Variants in NEK4 observed in about 807,000 individuals in gnomAD.
NEK4 encodes NIMA related kinase 4, also known as serine/threonine-protein kinase Nek4.
In NEK4, 86 loss-of-function variants were observed where a neutral mutation model predicts 98.4. That is an observed-to-expected ratio of 0.87 (90% CI 0.73 to 1.05). The LOEUF is 1.05. Among genes scored for constraint, NEK4 ranks in the 50% least tolerant of loss-of-function variants. The probability of loss-of-function intolerance (pLI) is 0.00; values close to 1 mark genes in which losing one functional copy is unlikely to be tolerated. For synonymous variants in NEK4, 328 were observed against 342.2 expected (o/e 0.96, Z 0.46); for missense variants, 898 against 950.3 (o/e 0.94, Z 0.72).
In NEK4 at chr3:52,746,083, C is replaced by T. The variant is rs1251302446; in HGVS notation, c.1805G>A (p.Ser602Asn). ...AACCTTTGATGATGACATCTCACTG[C>T]TCCTTGAACTGCTCACAGACCCAGT... is the stretch of plus-strand genomic sequence containing the variant. ...VVTGSVSSSR[S>N]SEMSSSKDRP... The change falls in exon 10 of 16, where the codon AGC becomes AAC. Residue 602 changes from serine (S) to asparagine (N), a missense_variant. Coordinates refer to ENST00000233027, the MANE Select transcript of NEK4 (RefSeq NM_003157.6). 1 of 1,613,874 alleles carries T rather than the reference C, an allele frequency of 6.2e-7. No homozygotes were observed. The highest frequency in any genetic ancestry group is 2.2e-5 in the East Asian group (1 of 44,886).
At chr3:52,725,202 G>C (rs75440947) in intron 15 of NEK4, among the ~76,000 whole-genome samples, 2,930 of 152,234 alleles carry the variant, frequency 0.019, 101 homozygotes, top group African/African-American at 0.067. Flanking sequence ...CCAATTTTTA[G>C]ATCCTGTTTT....
At chr3:52,733,255 A>C in intron 15 of NEK4, 1 of 280,574 alleles carries the variant, frequency 3.6e-6, no homozygotes, top group South Asian at 5.0e-5. Flanking sequence ...ATCACTGGAG[A>C]ATTCATACTG....
chr3:52,767,699 C>T (rs1194867464), intron 2 of NEK4, among the ~76,000 whole-genome samples: 2 of 141,596 alleles, frequency 1.4e-5, no homozygotes, highest in Non-Finnish European at 3.1e-5. Context: ...GCCTAGATAA[C>T]AAAAACAAAA....
intron 14 of NEK4, among the ~76,000 whole-genome samples, chr3:52,738,704 G>A (rs868693782): frequency 3.3e-5 from 5 of 152,036 alleles, no homozygotes; most frequent in Admixed American, 3.3e-4. Context: ...GCCCTCCTCA[G>A]CCTCCCAAAG....
rs187113387 is a variant in NEK4 at position 52,734,507 on chromosome 3, T to C, written c.2433+3079A>G. Among the ~76,000 whole-genome samples, 74 of 146,706 alleles carry C rather than the reference T, an allele frequency of 5.0e-4. No homozygotes were observed. The East Asian group carries it at 0.013, about 25-fold the overall frequency. On this transcript the variant is annotated intron_variant, in intron 15 of 15. Coordinates refer to ENST00000233027, the MANE Select transcript of NEK4 (RefSeq NM_003157.6). ...GGCCAACATGGTGAAACCCTGTCCC[T>C]ACTAAAAATACAAAAATTAGCCATG...
At chr3:52,747,785 A>T (rs1409834988) in intron 8 of NEK4, among the ~76,000 whole-genome samples, 16 of 97,794 alleles carry the variant, frequency 1.6e-4, no homozygotes, top group African/African-American at 6.3e-5. Context: ...ATCTCCATTT[A>T]AAAAAAAAAA....
intron 15 of NEK4, among the ~76,000 whole-genome samples, chr3:52,712,897 G>C (rs1373391305): frequency 6.6e-6 from 1 of 152,130 alleles, no homozygotes; most frequent in Non-Finnish European, 1.5e-5. Flanking sequence ...TCCTGCGAGG[G>C]TCTCCGGGGT....
chr3:52,741,635 A>G, intron 12 of NEK4, 136 bp from the exon 13 acceptor site: 1 of 530,062 alleles, frequency 1.9e-6, no homozygotes. Context: ...AACAAATACA[A>G]AAATTGTTCC....
At chr3:52,711,922 T>C in intron 15 of NEK4, 53 bp from the exon 16 acceptor site, 1 of 1,014,146 alleles carries the variant, frequency 9.9e-7, no homozygotes, top group African/African-American at 1.6e-5. Context: ...AAAAAATATT[T>C]CTGTAATCTT....
chr3:52,764,777 T>TGC, intron 4 of NEK4, among the ~76,000 whole-genome samples: 1 of 50,428 alleles, frequency 2.0e-5, no homozygotes, highest in South Asian at 8.5e-4. Flanking sequence ...CACACACACA[T>TGC]GCACACACAC....
intron 15 of NEK4, among the ~76,000 whole-genome samples, chr3:52,726,087 G>A (rs1356488112): frequency 6.6e-6 from 1 of 152,040 alleles, no homozygotes; most frequent in Non-Finnish European, 1.5e-5. Flanking sequence ...CAGACAAAAT[G>A]TCTTTAAATT....
rs144760703 is a variant in NEK4, at chr3:52,712,858, C to T, written c.2434-989G>A. On this transcript the variant is annotated intron_variant, in intron 15 of 15. Transcript: ENST00000233027. The stretch of plus-strand genomic sequence containing the variant: ...TTGTGTCTTCTTCTGCTAATGTGTT[C>T]CTCTCAACATCCAACCTCTTATCTG... Among the ~76,000 whole-genome samples the T allele has an allele frequency of 1.2e-3, 180 of 152,300 alleles. 1 individual carries two copies. The highest frequency in any genetic ancestry group is 6.8e-3 in the Middle Eastern group (2 of 294).
At chr3:52,742,332 A>C (rs977657045) in intron 12 of NEK4, among the ~76,000 whole-genome samples, 8 of 152,082 alleles carry the variant, frequency 5.3e-5, no homozygotes, top group African/African-American at 1.9e-4. Context: ...TGGCCTCCCA[A>C]GTAGCTGAGA....
chr3:52,739,430 T>A lies in NEK4; in HGVS notation c.2298A>T (p.Ser766=). The A allele has an allele frequency of 6.2e-7, 1 of 1,612,870 alleles. No individual in the cohort carries two copies. The highest frequency in any genetic ancestry group is 1.3e-5 in the African/African-American group (1 of 75,030). ...AAAAAATAATAATAAGCTGATCACCTGAAGGTAGCTCTTTAAAATGGATTT... is the reference window on the plus strand; with the variant it reads ...AAAAAATAATAATAAGCTGATCACCAGAAGGTAGCTCTTTAAAATGGATTT... ...AEEIHFKELP[S]AIMPGSEKIR... The change falls in exon 14 of 16, where the codon TCA becomes TCT. Residue 766 remains serine, a splice_region_variant and synonymous_variant. Transcript: ENST00000233027.
chr3:52,765,881 C>G lies in NEK4; in HGVS notation c.666+6G>C, dbSNP rs369827219. 3.2e-6 allele frequency: 5 copies of G among 1,539,018 alleles called. No individual in the cohort carries two copies. In the African/African-American group the frequency reaches 6.8e-5, roughly 21 times the overall value. ...ACTGGTCAATTAGTTCTAGATTATT[C>G]TTTACCTTTCCTTCAATAATCCGAT... On this transcript the variant is annotated splice_donor_region_variant and intron_variant, in intron 4 of 15. Coordinates refer to ENST00000233027, the MANE Select transcript of NEK4 (RefSeq NM_003157.6).
chr3:52,770,867 G>A lies in NEK4; in HGVS notation c.-121C>T, dbSNP rs1698758264. 3.6e-5 allele frequency: 30 copies of A among 840,748 alleles called. No individual in the cohort carries two copies. In the South Asian group the frequency reaches 3.6e-4, roughly 10 times the overall value. The allele number at this position is 840,748 out of a possible 1,614,324, so 52.1% of individuals were successfully genotyped here. ...GTGGGGGCGGCTGTTGAGGCAGCCG[G>A]GCCCGGGCGGGATTGCTGGGGCCCG... On this transcript the variant is annotated 5_prime_UTR_variant, in exon 1 of 16. Transcript: ENST00000233027.
chr3:52,712,666 T>C (rs1484216377), intron 15 of NEK4, among the ~76,000 whole-genome samples: 3 of 152,176 alleles, frequency 2.0e-5, no homozygotes, highest in Non-Finnish European at 4.4e-5. Context: ...AGAAGGAAGA[T>C]GGTTTTCCCC....
chr3:52,735,370 T>C (rs558809347), intron 15 of NEK4, among the ~76,000 whole-genome samples: 1 of 152,344 alleles, frequency 6.6e-6, no homozygotes, highest in Admixed American at 6.5e-5. Context: ...ACAATTAGCA[T>C]AGATAAAAAT....
chr3:52,720,495 G>A (rs1289471472), intron 15 of NEK4, among the ~76,000 whole-genome samples: 1 of 152,160 alleles, frequency 6.6e-6, no homozygotes, highest in Non-Finnish European at 1.5e-5. Flanking sequence ...AGTGCTGAAA[G>A]TCAAAAACAG....
Sources: allele counts gnomAD v4.1 joint callset (sites outside exome capture counted in the v4.1 genomes callset), GRCh38; gene constraint gnomAD v4.1.1; transcripts MANE v1.5; gene names NCBI Gene and HGNC (gene_info 2026-07-23, HGNC 2026-07-21).